The following CPNE5 variants were observed in gnomAD, a reference collection of about 807,000 sequenced individuals.
CPNE5 encodes copine 5, also known as copine-5.
In CPNE5, 42 loss-of-function variants were observed where a neutral mutation model predicts 81.1. The ratio of observed to expected loss-of-function variants is 0.52; its 90% CI spans 0.40 to 0.67. CPNE5 has a LOEUF of 0.67. Ranked by LOEUF, CPNE5 falls within the 30% of genes least tolerant of loss-of-function variation. The pLI is 0.00. For missense variants in CPNE5, 612 were observed against 815.5 expected, an observed-to-expected ratio of 0.75 and a Z score of 3.04; for synonymous variants, 313 against 321.5, an observed-to-expected ratio of 0.97 and a Z score of 0.28.
intron 6 of CPNE5, among the ~76,000 whole-genome samples, chr6:36,795,007 C>G (rs1217962972): frequency 6.6e-6 from 1 of 152,126 alleles, no homozygotes; most frequent in Non-Finnish European, 1.5e-5. Context: ...AACCCCTGTT[C>G]TCCCTTTCCA....
chr6:36,763,352 C>T (rs1766238259), intron 11 of CPNE5, among the ~76,000 whole-genome samples: 1 of 152,118 alleles, frequency 6.6e-6, no homozygotes, highest in African/African-American at 2.4e-5. Flanking sequence ...CCTATAATCC[C>T]AGCACTTTGG....
chr6:36,798,594 C>T lies in CPNE5; in HGVS notation c.288-100G>A, dbSNP rs554684043. The T allele has an allele frequency of 3.7e-5, 36 of 963,208 alleles. No individual in the cohort carries two copies. The South Asian group carries it at 4.0e-4, about 11-fold the overall frequency. The allele number at this position is 963,208 out of a possible 1,614,324, so 59.7% of individuals were successfully genotyped here. A position where few individuals can be genotyped will look rare whatever the true frequency, so the allele number is the denominator to read the frequency against. On this transcript the variant is annotated intron_variant, in intron 4 of 20. Transcript: ENST00000244751. ...GTCAGGGCCCCTGTCCCCCAAAAAA[C>T]AGGTCCCAACACAGTGAATATTTCT...
At chr6:36,800,496 C>T (rs1770008645) in intron 3 of CPNE5, among the ~76,000 whole-genome samples, 1 of 152,194 alleles carries the variant, frequency 6.6e-6, no homozygotes, top group Admixed American at 6.5e-5. Context: ...ACTCCATGAC[C>T]ACCATTCTGA....
At position 36,744,251 on chromosome 6, in the gene CPNE5, G is replaced by A. The variant is rs1296151077; in HGVS notation, c.1489+17C>T. Reference sequence around the variant, plus strand: ...GGCTAGGGAAGGAAAGGAGGGGAAGGCAGCAGCTGGACTCACCGTCGAACT... The same window carrying A: ...GGCTAGGGAAGGAAAGGAGGGGAAGACAGCAGCTGGACTCACCGTCGAACT... On this transcript the variant is annotated intron_variant, in intron 19 of 20. Transcript: ENST00000244751. The A allele has an allele frequency of 6.4e-7, 1 of 1,568,450 alleles. No homozygotes were observed. The highest frequency in any genetic ancestry group is 1.2e-5 in the South Asian group (1 of 85,252).
chr6:36,741,951 G>A lies in CPNE5; in HGVS notation c.*317C>T. 1 of 324,644 alleles carries A rather than the reference G, an allele frequency of 3.1e-6. No individual in the cohort carries two copies. The highest frequency in any genetic ancestry group is 5.6e-6 in the Non-Finnish European group (1 of 177,750). 20.1% of individuals were successfully genotyped at this position (324,644 alleles called of 1,614,324 possible). ...AGGTAAGCAAATAGGATTGCCGGGG[G>A]TGGGCGACAGGGACCCCAATCACCC... On this transcript the variant is annotated 3_prime_UTR_variant, in exon 21 of 21. Transcript: ENST00000244751.
At chr6:36,748,603 T>C (rs1319217257) in intron 14 of CPNE5, among the ~76,000 whole-genome samples, 1 of 152,106 alleles carries the variant, frequency 6.6e-6, no homozygotes, top group East Asian at 1.9e-4. Flanking sequence ...TTGGGTCTCA[T>C]TGGATTGCTG....
chr6:36,742,558 G>C, intron 20 of CPNE5, 72 bp from the exon 21 acceptor site: 1 of 1,554,162 alleles, frequency 6.4e-7, no homozygotes, highest in Non-Finnish European at 8.7e-7. Context: ...CCAGGCCTGG[G>C]GTTGCATCCC....
At chr6:36,776,265 G>A (rs559603805) in intron 9 of CPNE5, among the ~76,000 whole-genome samples, 2 of 152,286 alleles carry the variant, frequency 1.3e-5, no homozygotes, top group South Asian at 4.1e-4. Flanking sequence ...AAGTGCCTGG[G>A]CTCCACCCAT....
chr6:36,742,222 A>G lies in CPNE5; in HGVS notation c.*46T>C, dbSNP rs1582661996. 7.0e-7 allele frequency: 1 copy of G among 1,436,274 alleles called. No homozygotes were observed. The highest frequency in any genetic ancestry group is 9.5e-7 in the Non-Finnish European group (1 of 1,055,538). 89.0% of individuals were successfully genotyped at this position (1,436,274 alleles called of 1,614,324 possible). A position where few individuals can be genotyped will look rare whatever the true frequency, so the allele number is the denominator to read the frequency against. On this transcript the variant is annotated 3_prime_UTR_variant, in exon 21 of 21. Transcript: ENST00000244751. ...AGTCTGGGGCCCTGGCCTCCCATTC[A>G]CCTGGCCTCTCCCAGGCCCCAGCCA...
chr6:36,830,424 C>T (rs1772888642), intron 1 of CPNE5, among the ~76,000 whole-genome samples: 1 of 152,172 alleles, frequency 6.6e-6, no homozygotes, highest in Non-Finnish European at 1.5e-5. Flanking sequence ...AGGGCGGGAG[C>T]TGGGAGGAGA....
At chr6:36,803,528 A>G (rs1387484023) in intron 3 of CPNE5, among the ~76,000 whole-genome samples, 6 of 152,230 alleles carry the variant, frequency 3.9e-5, no homozygotes, top group African/African-American at 1.4e-4. Flanking sequence ...GGTTTAGATC[A>G]TAATAGCTAC....
chr6:36,797,964 C>A (rs1227231387), intron 6 of CPNE5, among the ~76,000 whole-genome samples: 1 of 152,090 alleles, frequency 6.6e-6, no homozygotes, highest in Non-Finnish European at 1.5e-5. Flanking sequence ...AGATGGGACT[C>A]TAATAACCCA....
rs1471060911 is a variant in CPNE5 at position 36,744,281 on chromosome 6, CT to C, written c.1475del (p.Gln492ArgfsTer46). 8 of 1,581,634 alleles carry C rather than the reference CT, an allele frequency of 5.1e-6. No individual in the cohort carries two copies. The Admixed American group carries it at 1.1e-4, about 22-fold the overall frequency. On this transcript the variant is annotated frameshift_variant, in exon 19 of 21. Transcript: ENST00000244751. LOFTEE classifies it high-confidence loss of function. The part of the protein sequence containing the change: ...PMSIIIVGVG[Q>X]AEFDAMVELD... The stretch of plus-strand genomic sequence containing the variant: ...AGCTGGACTCACCGTCGAACTCTGC[CT>C]GGCCCACGCCGACGATAATGATGGA...
intron 7 of CPNE5, 95 bp from the exon 8 acceptor site, chr6:36,792,191 G>GC: frequency 2.3e-6 from 2 of 870,196 alleles, no homozygotes; most frequent in Admixed American, 2.1e-5. Flanking sequence ...ATCCTCCCCC[G>GC]CCCCCTACCA....
intron 13 of CPNE5, 152 bp downstream of exon 13, chr6:36,756,093 G>GCCCCCCCCCCCCCCCCCCCCCCCCCCCCC: frequency 1.7e-6 from 1 of 595,830 alleles, no homozygotes; most frequent in East Asian, 3.0e-5. Context: ...TGCTCCATCT[G>GCCCCCCCCCCCCCCCCCCCCCCCCCCCCC]CCCCACCCCT....
At chr6:36,796,496 C>A (rs114177320) in intron 6 of CPNE5, among the ~76,000 whole-genome samples, 6 of 152,174 alleles carry the variant, frequency 3.9e-5, no homozygotes, top group African/African-American at 1.4e-4. Flanking sequence ...GGTAAAGCCA[C>A]GGGTGGGGGT....
intron 8 of CPNE5, among the ~76,000 whole-genome samples, chr6:36,791,372 T>C (rs67330617): frequency 0.086 from 13,127 of 152,198 alleles, 752 homozygotes; most frequent in East Asian, 0.29. Flanking sequence ...AGAGCAGCGA[T>C]AACTTATGTA....
chr6:36,804,762 C>T (rs1460032970), intron 3 of CPNE5, among the ~76,000 whole-genome samples: 1 of 150,416 alleles, frequency 6.6e-6, no homozygotes, highest in African/African-American at 2.4e-5. Context: ...AGGGGAATAC[C>T]CTAGAGATTG....
intron 3 of CPNE5, among the ~76,000 whole-genome samples, chr6:36,809,567 C>T (rs766270077): frequency 2.0e-5 from 3 of 151,912 alleles, no homozygotes; most frequent in Non-Finnish European, 4.4e-5. Context: ...CAGAGCACGA[C>T]GCTGTCTCAA....
Sources: allele counts gnomAD v4.1 joint callset (sites outside exome capture counted in the v4.1 genomes callset), GRCh38; gene constraint gnomAD v4.1.1; transcripts MANE v1.5; gene names NCBI Gene and HGNC (gene_info 2026-07-23, HGNC 2026-07-21).